The following UPRT variants were observed in gnomAD, a reference collection of about 807,000 sequenced individuals.
UPRT encodes the protein uracil phosphoribosyltransferase homolog.
In UPRT, 5 loss-of-function variants were observed where a neutral mutation model predicts 22.6. The observed-to-expected ratio is 0.22, with a 90% confidence interval of 0.12 to 0.47. The LOEUF (loss-of-function observed/expected upper bound fraction) is 0.47, where lower values mean the gene tolerates loss of function less well. UPRT is among the 20% of genes least tolerant of loss of function. The pLI, the probability that UPRT is intolerant of heterozygous loss-of-function variation, is 0.99. For synonymous variants in UPRT, 77 were observed against 87.7 expected (o/e 0.88, Z 0.68); for missense variants, 181 against 239.9 (o/e 0.75, Z 1.62).
intron 4 of UPRT, among the ~76,000 whole-genome samples, chrX:75,186,441 A>T (rs1161747353): frequency 9.0e-6 from 1 of 111,408 alleles, no homozygotes; most frequent in Non-Finnish European, 1.9e-5. Flanking sequence ...TTTACTTCCA[A>T]TTATGTGGTC....
intron 4 of UPRT, among the ~76,000 whole-genome samples, chrX:75,216,351 G>A (rs5981335): frequency 0.032 from 3,558 of 111,587 alleles, 148 homozygotes; most frequent in African/African-American, 0.11. Flanking sequence ...GAATAGAAGG[G>A]AACTTCTTCA....
intron 4 of UPRT, among the ~76,000 whole-genome samples, chrX:75,198,672 G>T (rs1035502509): frequency 2.2e-4 from 25 of 111,697 alleles, no homozygotes; most frequent in African/African-American, 7.8e-4. Flanking sequence ...CTGAAGAAAT[G>T]ATAAAAATGC....
At chrX:75,249,273 A>G (rs1167827077) in intron 4 of UPRT, among the ~76,000 whole-genome samples, 2 of 111,850 alleles carry the variant, frequency 1.8e-5, no homozygotes, top group Non-Finnish European at 3.8e-5. Context: ...CAAATTGGAT[A>G]AAGAGTCAAG....
chrX:75,216,841 G>A (rs766913274), intron 4 of UPRT, among the ~76,000 whole-genome samples: 8 of 112,048 alleles, frequency 7.1e-5, no homozygotes, highest in Admixed American at 1.9e-4. Flanking sequence ...TGCAAGCTCC[G>A]CCTCCTGGGT....
intron 4 of UPRT, among the ~76,000 whole-genome samples, chrX:75,238,247 A>G (rs1052446457): frequency 7.2e-5 from 8 of 111,233 alleles, no homozygotes; most frequent in African/African-American, 2.6e-4. Flanking sequence ...CACCTATCAC[A>G]TAAGGACTCA....
chrX:75,234,249 A>T (rs949958535), intron 4 of UPRT, among the ~76,000 whole-genome samples: 2 of 111,545 alleles, frequency 1.8e-5, no homozygotes, highest in African/African-American at 6.5e-5. Context: ...TCCTAAATAT[A>T]TATGCACCCA....
At chrX:75,159,247 A>G (rs1406554012) in intron 1 of UPRT, among the ~76,000 whole-genome samples, 2 of 112,176 alleles carry the variant, frequency 1.8e-5, no homozygotes, top group East Asian at 5.6e-4. Context: ...TATTTCACTT[A>G]GCATGATGAC....
At chrX:75,274,663 A>G (rs1413930199) in intron 1 of UPRT, 23 bp downstream of exon 1, 1 of 1,173,165 alleles carries the variant, frequency 8.5e-7, no homozygotes, top group South Asian at 2.0e-5. Context: ...CGGAAGGGGA[A>G]AGGGAAGTGG....
chrX:75,187,655 T>G (rs1025606623), intron 4 of UPRT, among the ~76,000 whole-genome samples: 1 of 112,316 alleles, frequency 8.9e-6, no homozygotes, highest in African/African-American at 3.2e-5. Context: ...CGCTTTCAGG[T>G]ACACCAATCA....
chrX:75,192,341 GT>G lies in UPRT; in HGVS notation c.-447+24472del, dbSNP rs35280541. The stretch of plus-strand genomic sequence containing the variant: ...CAAGAGTGTGATTGACATGATTTCA[GT>G]TTTTTTTTTAATTTGCTGAGGATTG... On this transcript the variant is annotated intron_variant, in intron 4 of 13. Coordinates refer to the UPRT transcript ENST00000652605. 3.8e-3 allele frequency among the ~76,000 whole-genome samples: 405 copies of G among 105,627 alleles called. 1 individual carries two copies. The highest frequency in any genetic ancestry group is 0.011 in the African/African-American group (326 of 29,393). 91.7% of individuals were successfully genotyped at this position (105,627 alleles called of 115,157 possible).
intron 1 of UPRT, among the ~76,000 whole-genome samples, chrX:75,160,479 G>T (rs766940409): frequency 4.5e-5 from 5 of 111,694 alleles, no homozygotes; most frequent in Non-Finnish European, 5.6e-5. Context: ...GCATAAAGAT[G>T]TTTATATCAG....
intron 6 of UPRT, among the ~76,000 whole-genome samples, chrX:75,303,033 G>GATC (rs1302624951): frequency 2.7e-5 from 3 of 111,006 alleles, no homozygotes; most frequent in African/African-American, 6.6e-5. Context: ...GAGCCACTGT[G>GATC]CTTGGCCTGT....
chrX:75,187,089 C>A (rs890226817), intron 4 of UPRT, among the ~76,000 whole-genome samples: 1 of 111,178 alleles, frequency 9.0e-6, no homozygotes, highest in Non-Finnish European at 1.9e-5. Context: ...TTATTTTGCT[C>A]GTTAGTTGAT....
At chrX:75,235,957 G>GC (rs1306317950) in intron 4 of UPRT, among the ~76,000 whole-genome samples, 22 of 111,095 alleles carry the variant, frequency 2.0e-4, no homozygotes, top group African/African-American at 7.2e-4. Flanking sequence ...GGGCAATGAG[G>GC]CAGGAGAAGG....
At chrX:75,204,624 T>A (rs780522345) in intron 4 of UPRT, among the ~76,000 whole-genome samples, 2 of 111,771 alleles carry the variant, frequency 1.8e-5, no homozygotes, top group African/African-American at 3.3e-5. Context: ...GTGAAGGTTG[T>A]TTGGTTTTGG....
intron 4 of UPRT, among the ~76,000 whole-genome samples, chrX:75,187,229 A>G (rs1207027193): frequency 1.8e-5 from 2 of 109,627 alleles, no homozygotes; most frequent in Admixed American, 9.7e-5. Context: ...TGGTGACAAA[A>G]TCTCTCAGCA....
intron 4 of UPRT, among the ~76,000 whole-genome samples, chrX:75,187,672 G>A: frequency 8.9e-6 from 1 of 112,078 alleles, no homozygotes; most frequent in Middle Eastern, 4.6e-3. Context: ...ATCAGATGTA[G>A]ATTTGGTCTT....
At chrX:75,227,171 A>G (rs530864000) in intron 4 of UPRT, among the ~76,000 whole-genome samples, 6 of 111,656 alleles carry the variant, frequency 5.4e-5, no homozygotes, top group African/African-American at 1.9e-4. Flanking sequence ...CCCAATGGCC[A>G]TGGGCATAGG....
chrX:75,243,156 T>G (rs2147653942), intron 4 of UPRT, among the ~76,000 whole-genome samples: 1 of 111,616 alleles, frequency 9.0e-6, no homozygotes, highest in East Asian at 2.8e-4. Flanking sequence ...AAGGTTTCCA[T>G]GCTGCCTAAC....
Sources: allele counts gnomAD v4.1 joint callset (sites outside exome capture counted in the v4.1 genomes callset), GRCh38; gene constraint gnomAD v4.1.1; transcripts MANE v1.5; gene names NCBI Gene and HGNC (gene_info 2026-07-23, HGNC 2026-07-21).